The following RYR2 variants were observed in gnomAD, a reference collection of about 807,000 sequenced individuals.
RYR2 encodes cardiac muscle ryanodine receptor-calcium release channel.
Under a neutral mutation model 601.1 loss-of-function variants are expected in RYR2, and 227 were observed. The observed-to-expected ratio is 0.38, with a 90% confidence interval of 0.34 to 0.42. RYR2 has a LOEUF of 0.42. RYR2 is among the 10% of genes least tolerant of loss of function. RYR2 has a pLI of 1.00. For synonymous variants in RYR2, 2,223 were observed against 2,175.1 expected (o/e 1.02, Z -0.61); for missense variants, 4,646 against 6,156.5 (o/e 0.75, Z 8.21).
chr1:237,319,165 T>C (rs1394927068), intron 2 of RYR2, among the ~76,000 whole-genome samples: 1 of 152,204 alleles, frequency 6.6e-6, no homozygotes, highest in African/African-American at 2.4e-5. Context: ...AATTTTTGCA[T>C]CCTTTTTGAT....
At chr1:237,528,557 A>G (rs933151039) in intron 24 of RYR2, among the ~76,000 whole-genome samples, 1 of 152,178 alleles carries the variant, frequency 6.6e-6, no homozygotes, top group African/African-American at 2.4e-5. Flanking sequence ...TGTCCGTGTG[A>G]GTTGAATTCA....
intron 96 of RYR2, among the ~76,000 whole-genome samples, chr1:237,795,976 ATATG>A (rs1659171767): frequency 4.1e-5 from 1 of 24,388 alleles, no homozygotes; most frequent in Admixed American, 7.7e-4. Context: ...GTATATGTAT[ATATG>A]TATATACATA....
intron 8 of RYR2, among the ~76,000 whole-genome samples, chr1:237,385,886 A>G (rs549251045): frequency 6.6e-6 from 1 of 152,386 alleles, no homozygotes; most frequent in Non-Finnish European, 1.5e-5. Context: ...AAAGGGAAAA[A>G]GAAAATAAGC....
chr1:237,380,186 T>G (rs967837127), intron 8 of RYR2, among the ~76,000 whole-genome samples: 1 of 150,810 alleles, frequency 6.6e-6, no homozygotes, highest in Non-Finnish European at 1.5e-5. Context: ...ATTCAAAGAC[T>G]TATTTGGAGG....
chr1:237,781,595 T>A lies in RYR2; in HGVS notation c.11911T>A (p.Leu3971Ile). Reference sequence around the variant, plus strand: ...CAGTCAAATTGAGCTATTAAAAGAATTAATGGATCTGCAGAAGGATATGGT... The same window carrying A: ...CAGTCAAATTGAGCTATTAAAAGAAATAATGGATCTGCAGAAGGATATGGT... ...DSSQIELLKE[L>I]MDLQKDMVVM... Residue 3971 changes from leucine to isoleucine, a missense_variant, in exon 89 of 105, where the codon TTA (leucine) becomes ATA (isoleucine). Transcript: ENST00000366574. 6.3e-7 allele frequency: 1 copy of A among 1,592,186 alleles called. No homozygotes were observed. Among genetic ancestry groups the A allele is most frequent in the Non-Finnish European group, 8.6e-7 (1 of 1,165,026 alleles).
intron 72 of RYR2, among the ~76,000 whole-genome samples, chr1:237,717,895 A>C (rs756966580): frequency 1.3e-5 from 2 of 152,158 alleles, no homozygotes; most frequent in Non-Finnish European, 2.9e-5. Context: ...TGTACATTGG[A>C]ATTTCTATTT....
intron 29 of RYR2, among the ~76,000 whole-genome samples, chr1:237,581,110 C>G (rs1673869673): frequency 6.6e-6 from 1 of 152,198 alleles, no homozygotes. Context: ...GTTTGAAGAG[C>G]TAACCATATC....
At position 237,469,083 on chromosome 1, in the gene RYR2, C is replaced by G. The variant is rs757051500; in HGVS notation, c.1613-9C>G. ...CACATAAAGGTGAAATCTATTTCTT[C>G]TTTTGCAGCGGCTCTAATTAGAGGA... On this transcript the variant is annotated splice_polypyrimidine_tract_variant and intron_variant, in intron 16 of 104. Coordinates refer to ENST00000366574, the MANE Select transcript of RYR2 (RefSeq NM_001035.3). 6.2e-7 allele frequency: 1 copy of G among 1,611,106 alleles called. No individual in the cohort carries two copies. The highest frequency in any genetic ancestry group is 1.7e-5 in the Admixed American group (1 of 59,888).
chr1:237,149,464 C>T (rs1674459423), intron 1 of RYR2, among the ~76,000 whole-genome samples: 1 of 152,046 alleles, frequency 6.6e-6, no homozygotes, highest in Non-Finnish European at 1.5e-5. Context: ...AGTTAGGCCT[C>T]AAAACATACT....
chr1:237,589,660 T>C (rs1674928734), intron 29 of RYR2, 133 bp from the exon 30 acceptor site: 3 of 723,628 alleles, frequency 4.1e-6, no homozygotes, highest in Non-Finnish European at 6.9e-6. Flanking sequence ...TTGTTCCCTT[T>C]ATTACACTAC....
At chr1:237,155,074 G>A (rs1675157968) in intron 1 of RYR2, among the ~76,000 whole-genome samples, 1 of 151,678 alleles carries the variant, frequency 6.6e-6, no homozygotes, top group African/African-American at 2.4e-5. Flanking sequence ...TTGTCTCCTT[G>A]TTTGCTCAAA....
At chr1:237,790,675 T>C (rs1658270298) in intron 92 of RYR2, among the ~76,000 whole-genome samples, 1 of 152,104 alleles carries the variant, frequency 6.6e-6, no homozygotes, top group African/African-American at 2.4e-5. Flanking sequence ...CACTTAAGAG[T>C]TAAGGTCTTT....
chr1:237,231,955 A>T (rs1685042532), intron 1 of RYR2, among the ~76,000 whole-genome samples: 1 of 152,192 alleles, frequency 6.6e-6, no homozygotes, highest in Non-Finnish European at 1.5e-5. Flanking sequence ...TAGGTGGCAA[A>T]TAAGATGAGG....
chr1:237,296,710 C>G (rs1013994251), intron 2 of RYR2, among the ~76,000 whole-genome samples: 1 of 152,108 alleles, frequency 6.6e-6, no homozygotes. Context: ...TTTAAAACCA[C>G]AGGTTGGTGT....
chr1:237,146,098 A>T (rs1673969480), intron 1 of RYR2, among the ~76,000 whole-genome samples: 1 of 152,204 alleles, frequency 6.6e-6, no homozygotes, highest in Non-Finnish European at 1.5e-5. Context: ...AACAAATTTG[A>T]TATGTGGTGT....
chr1:237,715,461 A>G (rs745571331), intron 71 of RYR2, among the ~76,000 whole-genome samples: 11 of 152,180 alleles, frequency 7.2e-5, no homozygotes, highest in Non-Finnish European at 1.6e-4. Context: ...GGAAAGCAAA[A>G]TTATTGTTTG....
At chr1:237,544,649 G>A (rs867740459) in intron 25 of RYR2, among the ~76,000 whole-genome samples, 8 of 152,088 alleles carry the variant, frequency 5.3e-5, no homozygotes, top group Middle Eastern at 3.2e-3. Flanking sequence ...TTAGCAGTTG[G>A]TTGTCCTCTG....
chr1:237,551,585 T>A, intron 27 of RYR2, among the ~76,000 whole-genome samples: 1 of 150,532 alleles, frequency 6.6e-6, no homozygotes, highest in East Asian at 1.9e-4. Context: ...TTTAATCCGT[T>A]GCTCCTGCAG....
At chr1:237,283,877 T>C (rs1174247952) in intron 2 of RYR2, among the ~76,000 whole-genome samples, 4 of 152,196 alleles carry the variant, frequency 2.6e-5, no homozygotes, top group Non-Finnish European at 4.4e-5. Context: ...TTAGTGGTGA[T>C]TTGTGAGATT....
Sources: gnomAD v4.1 joint callset for allele counts (sites outside exome capture counted in the v4.1 genomes callset) on GRCh38, gnomAD v4.1.1 for gene constraint, MANE v1.5 for transcripts, NCBI Gene and HGNC (gene_info 2026-07-23, HGNC 2026-07-21) for gene names.